The following SPTLC1 variants were observed in gnomAD, a reference collection of about 807,000 sequenced individuals.
SPTLC1 encodes the protein serine palmitoyltransferase 1.
Under a neutral mutation model 68.9 loss-of-function variants are expected in SPTLC1, and 55 were observed. The observed-to-expected ratio is 0.80, with a 90% confidence interval of 0.64 to 1.00. The LOEUF is 1.00. SPTLC1 is among the 50% of genes least tolerant of loss of function. The pLI, the probability that SPTLC1 is intolerant of heterozygous loss-of-function variation, is 0.00. For missense variants in SPTLC1, 449 were observed against 573.1 expected (o/e 0.78, Z 2.21); for synonymous variants, 197 against 201.6 (o/e 0.98, Z 0.19).
At chr9:92,054,008 G>A (rs1028814598) in intron 8 of SPTLC1, 15 of 983,560 alleles carry the variant, frequency 1.5e-5, no homozygotes, top group Admixed American at 6.1e-5. Flanking sequence ...TTGGCCATGC[G>A]TGGTGGCTCA....
intron 5 of SPTLC1, 121 bp from the exon 6 acceptor site, chr9:92,068,219 G>T: frequency 1.1e-6 from 1 of 940,478 alleles, no homozygotes; most frequent in Non-Finnish European, 1.6e-6. Flanking sequence ...GGCCAAAATG[G>T]AATTGTTTTT....
chr9:92,056,659 G>C (rs1400872520), intron 7 of SPTLC1, among the ~76,000 whole-genome samples: 1 of 152,202 alleles, frequency 6.6e-6, no homozygotes. Context: ...CACAGATAGA[G>C]TTTGCCATTA....
chr9:92,063,022 A>C (rs1020437930), intron 6 of SPTLC1, among the ~76,000 whole-genome samples: 2 of 152,178 alleles, frequency 1.3e-5, no homozygotes, highest in African/African-American at 2.4e-5. Flanking sequence ...AAATAATAGG[A>C]GAAATCAATC....
Position 92,084,724 on chromosome 9 carries a change from C to A in SPTLC1, c.261-3761G>T, listed in dbSNP as rs1351579011. On this transcript the variant is annotated intron_variant, in intron 3 of 14. Coordinates refer to ENST00000262554, the MANE Select transcript of SPTLC1 (RefSeq NM_006415.4). ...TCTCTTTTTTGGTTGTGTCTCTGCC[C>A]AGCTTTGGTATCAGGATGATGCTGG... 9.9e-5 allele frequency among the ~76,000 whole-genome samples: 15 copies of A among 151,876 alleles called. No individual in the cohort carries two copies. In the South Asian group the frequency reaches 1.9e-3, roughly 19 times the overall value.
chr9:92,073,312 C>T (rs1834562906), intron 5 of SPTLC1, among the ~76,000 whole-genome samples: 1 of 152,166 alleles, frequency 6.6e-6, no homozygotes, highest in Non-Finnish European at 1.5e-5. Flanking sequence ...CACTTTGGAC[C>T]CTAGCTCAAT....
chr9:92,088,059 G>T (rs899423343), intron 3 of SPTLC1, among the ~76,000 whole-genome samples: 2 of 152,250 alleles, frequency 1.3e-5, no homozygotes, highest in African/African-American at 2.4e-5. Flanking sequence ...CCAGGTGAGG[G>T]ATATAATCTC....
At chr9:92,105,492 C>G in intron 3 of SPTLC1, 1 of 771,932 alleles carries the variant, frequency 1.3e-6, no homozygotes, top group Non-Finnish European at 2.0e-6. Flanking sequence ...ATCAGGAGGT[C>G]AAGAGATTGA....
At chr9:92,039,871 T>A (rs990561925) in intron 12 of SPTLC1, among the ~76,000 whole-genome samples, 36 of 150,880 alleles carry the variant, frequency 2.4e-4, no homozygotes, top group Admixed American at 2.2e-3. Context: ...TCATGCTAGA[T>A]CTCTCAATAA....
chr9:92,067,607 G>A (rs558707752), intron 6 of SPTLC1, among the ~76,000 whole-genome samples: 4 of 152,184 alleles, frequency 2.6e-5, no homozygotes, highest in Admixed American at 1.3e-4. Flanking sequence ...ACCAGGTGAC[G>A]GGGTGAATGG....
At chr9:92,053,207 T>C (rs1325177857) in intron 8 of SPTLC1, among the ~76,000 whole-genome samples, 1 of 151,192 alleles carries the variant, frequency 6.6e-6, no homozygotes, top group Non-Finnish European at 1.5e-5. Context: ...AGTGAGATAC[T>C]ACCTCATGCT....
At chr9:92,052,230 A>T (rs1016167188) in intron 8 of SPTLC1, among the ~76,000 whole-genome samples, 1 of 152,256 alleles carries the variant, frequency 6.6e-6, no homozygotes, top group African/African-American at 2.4e-5. Flanking sequence ...TGGTACTGGC[A>T]TAGGACAGAT....
At chr9:92,090,852 CTT>C (rs1835337482) in intron 3 of SPTLC1, among the ~76,000 whole-genome samples, 1 of 152,156 alleles carries the variant, frequency 6.6e-6, no homozygotes, top group African/African-American at 2.4e-5. Context: ...GAAGGAGACT[CTT>C]TTCTGCCCAT....
chr9:92,077,558 A>G (rs1368064123), intron 5 of SPTLC1, among the ~76,000 whole-genome samples: 5 of 151,816 alleles, frequency 3.3e-5, no homozygotes, highest in Non-Finnish European at 1.5e-5. Context: ...ACTCTCCCCC[A>G]CTTCCCTTAA....
At chr9:92,084,653 T>C (rs1479976763) in intron 3 of SPTLC1, among the ~76,000 whole-genome samples, 1 of 151,962 alleles carries the variant, frequency 6.6e-6, no homozygotes, top group African/African-American at 2.4e-5. Flanking sequence ...CAGTATTTTA[T>C]TGAGGATTTT....
At chr9:92,047,835 A>C in intron 9 of SPTLC1, 127 bp from the exon 10 acceptor site, 1 of 681,046 alleles carries the variant, frequency 1.5e-6, no homozygotes, top group South Asian at 1.7e-5. Context: ...CTACCTATCT[A>C]CATGAAAATA....
intron 5 of SPTLC1, 21 bp downstream of exon 5, chr9:92,079,991 CAAAG>C: frequency 6.2e-7 from 1 of 1,600,220 alleles, no homozygotes; most frequent in African/African-American, 1.3e-5. Context: ...GCAGTAGTCT[CAAAG>C]AGAACACAAC....
intron 12 of SPTLC1, among the ~76,000 whole-genome samples, chr9:92,039,312 A>C (rs923128722): frequency 1.3e-5 from 2 of 152,204 alleles, no homozygotes; most frequent in Non-Finnish European, 2.9e-5. Flanking sequence ...TAGCTTCTCA[A>C]GGAGAAAGAT....
In SPTLC1 at chr9:92,103,529, C is replaced by T. The variant is rs540723983; in HGVS notation, c.260+5211G>A. ...TCAAAGCCTGGCTGGGCCATGACCA[C>T]CTGAATGACCTGAGGAATGGTCTCA... On this transcript the variant is annotated intron_variant, in intron 3 of 14. Transcript: ENST00000262554. 1.2e-4 allele frequency among the ~76,000 whole-genome samples: 19 copies of T among 152,336 alleles called. No homozygotes were observed. In the East Asian group the frequency reaches 3.7e-3, roughly 29 times the overall value.
At chr9:92,096,963 T>TCCCCAA (rs1835549199) in intron 3 of SPTLC1, among the ~76,000 whole-genome samples, 1 of 151,976 alleles carries the variant, frequency 6.6e-6, no homozygotes, top group Non-Finnish European at 1.5e-5. Flanking sequence ...ATAAAGAACT[T>TCCCCAA]TTACAGTTTT....
Sources: allele counts gnomAD v4.1 joint callset (sites outside exome capture counted in the v4.1 genomes callset), GRCh38; gene constraint gnomAD v4.1.1; transcripts MANE v1.5; gene names NCBI Gene and HGNC (gene_info 2026-07-23, HGNC 2026-07-21).